Variants in XPO1 observed in about 807,000 individuals in gnomAD.
XPO1 encodes exportin 1.
A neutral mutation model predicts 133.3 loss-of-function variants in XPO1; 5 were observed. That is an observed-to-expected ratio of 0.04 (90% confidence interval 0.02 to 0.08). The LOEUF is 0.08. XPO1 is among the 10% of genes least tolerant of loss of function. The pLI is 1.00. For synonymous variants in XPO1, 419 were observed against 408.2 expected, an observed-to-expected ratio of 1.03 and a Z score of -0.32; for missense variants, 506 against 1,267.5, an observed-to-expected ratio of 0.40 and a Z score of 9.12.
At chr2:61,527,188 G>A (rs1275182536) in intron 2 of XPO1, among the ~76,000 whole-genome samples, 1 of 151,942 alleles carries the variant, frequency 6.6e-6, no homozygotes, top group Non-Finnish European at 1.5e-5. Flanking sequence ...TTCTTATCTA[G>A]GCCAGTAGCA....
intron 9 of XPO1, 70 bp downstream of exon 9, chr2:61,498,603 G>A (rs536217473): frequency 1.3e-6 from 2 of 1,575,940 alleles, no homozygotes; most frequent in African/African-American, 1.4e-5. Flanking sequence ...ATGCAGAGAT[G>A]AGAGCTTTAC....
At chr2:61,497,228 T>C (rs1416748272) in intron 9 of XPO1, among the ~76,000 whole-genome samples, 2 of 152,078 alleles carry the variant, frequency 1.3e-5, no homozygotes, top group Non-Finnish European at 2.9e-5. Context: ...ACTTTTTTTG[T>C]TTTTTTGAGA....
intron 16 of XPO1, among the ~76,000 whole-genome samples, chr2:61,491,736 G>A (rs111689057): frequency 6.6e-6 from 1 of 152,010 alleles, no homozygotes; most frequent in Non-Finnish European, 1.5e-5. Flanking sequence ...TCTACCAAGG[G>A]GGGGAAAAAG....
chr2:61,487,519 C>G (rs553783444), intron 19 of XPO1, among the ~76,000 whole-genome samples: 4 of 151,638 alleles, frequency 2.6e-5, no homozygotes, highest in African/African-American at 9.7e-5. Flanking sequence ...ATGAAAATAA[C>G]TAGCACACTT....
chr2:61,490,773 G>A lies in XPO1; in HGVS notation c.1891C>T (p.His631Tyr), dbSNP rs778783944. Residue 631 changes from histidine to tyrosine, a missense_variant, in exon 17 of 25, where the codon CAT becomes TAT. Transcript: ENST00000401558. Reference sequence around the variant, plus strand: ...TACCCCACAGCTTCATAAAACGTATGAACCTATTTTAAAAAGCAGACATTT... The same window carrying A: ...TACCCCACAGCTTCATAAAACGTATAAACCTATTTTAAAAAGCAGACATTT... ...IICDLQPQQV[H>Y]TFYEAVGYMI... The A allele has an allele frequency of 6.2e-7, 1 of 1,611,872 alleles. No individual in the cohort carries two copies. The highest frequency in any genetic ancestry group is 1.1e-5 in the South Asian group (1 of 90,822).
At chr2:61,493,116 A>C (rs996282235) in intron 12 of XPO1, 63 bp from the exon 13 acceptor site, 2 of 1,465,682 alleles carry the variant, frequency 1.4e-6, no homozygotes, top group African/African-American at 1.4e-5. Context: ...ATTAGTGTAG[A>C]AGCTTAGTTA....
intron 3 of XPO1, among the ~76,000 whole-genome samples, chr2:61,524,508 G>A (rs1311295257): frequency 6.6e-6 from 1 of 152,146 alleles, no homozygotes; most frequent in Non-Finnish European, 1.5e-5. Context: ...CCCAATAAAT[G>A]CTTTGCCCAG....
In XPO1 at chr2:61,477,983, C is replaced by G. The variant is rs1386602679; in HGVS notation, c.*837G>C. Reference sequence around the variant, plus strand: ...CTTTTTAAGTAGTGTTCTTAAAGCACTACAGCTTGGTAAACAATGTAAATT... The same window carrying G: ...CTTTTTAAGTAGTGTTCTTAAAGCAGTACAGCTTGGTAAACAATGTAAATT... On this transcript the variant is annotated 3_prime_UTR_variant, in exon 25 of 25. Transcript: ENST00000401558. The G allele has an allele frequency of 4.3e-6, 1 of 231,600 alleles. No individual in the cohort carries two copies. Among genetic ancestry groups the G allele is most frequent in the Non-Finnish European group, 8.6e-6 (1 of 116,850 alleles). The allele number at this position is 231,600 out of a possible 1,614,324, so 14.3% of individuals were successfully genotyped here. A position where few individuals can be genotyped will look rare whatever the true frequency, so the allele number is the denominator to read the frequency against.
At chr2:61,501,743 G>C (rs1243622945) in intron 6 of XPO1, among the ~76,000 whole-genome samples, 3 of 114,192 alleles carry the variant, frequency 2.6e-5, no homozygotes, top group Non-Finnish European at 3.6e-5. Flanking sequence ...AAAAAGAAAA[G>C]AAAAGATAAA....
chr2:61,506,587 A>G (rs188246136), intron 4 of XPO1, among the ~76,000 whole-genome samples: 987 of 92,378 alleles, frequency 0.011, 14 homozygotes, highest in African/African-American at 0.039. Context: ...CGACAGAGCA[A>G]GATTCCGTCT....
At chr2:61,526,386 G>T (rs1558676520) in intron 3 of XPO1, 34 bp downstream of exon 3, 1 of 1,592,006 alleles carries the variant, frequency 6.3e-7, no homozygotes, top group East Asian at 2.2e-5. Flanking sequence ...TGGAAGAAAA[G>T]AAATAACAGA....
intron 24 of XPO1, among the ~76,000 whole-genome samples, chr2:61,479,319 A>C (rs1696213905): frequency 6.6e-6 from 1 of 152,026 alleles, no homozygotes; most frequent in African/African-American, 2.4e-5. Flanking sequence ...GCATGGTGGC[A>C]CAGGCGCCTG....
At chr2:61,530,539 C>T (rs1021830328) in intron 2 of XPO1, among the ~76,000 whole-genome samples, 3 of 152,038 alleles carry the variant, frequency 2.0e-5, no homozygotes, top group African/African-American at 7.2e-5. Context: ...CAACTCTTCC[C>T]GCATCTTTTT....
chr2:61,486,659 G>A (rs777852146), intron 19 of XPO1, among the ~76,000 whole-genome samples: 6 of 152,026 alleles, frequency 3.9e-5, no homozygotes, highest in African/African-American at 7.2e-5. Flanking sequence ...GTGTTTCACC[G>A]TGTTAGCCAG....
At chr2:61,528,084 G>A (rs1487570751) in intron 2 of XPO1, among the ~76,000 whole-genome samples, 1 of 151,608 alleles carries the variant, frequency 6.6e-6, no homozygotes. Flanking sequence ...CTGCCACCAC[G>A]CCTGGCTAAT....
chr2:61,485,701 C>G, intron 20 of XPO1, 67 bp downstream of exon 20: 2 of 1,305,730 alleles, frequency 1.5e-6, no homozygotes, highest in Non-Finnish European at 2.1e-6. Flanking sequence ...CACAGACATA[C>G]TTTAGCTTTC....
In XPO1 at chr2:61,524,941, TTAG is replaced by T. The variant is rs1450286808; in HGVS notation, c.228+1476_228+1478del. On this transcript the variant is annotated intron_variant, in intron 3 of 24. Coordinates refer to ENST00000401558, the MANE Select transcript of XPO1 (RefSeq NM_003400.4). ...CAAAGAATTTTTTTTCTTTTTTTTT[TTAG>T]TATTTTTGCTCAAAAATCTGAAGTG... 3.3e-5 allele frequency among the ~76,000 whole-genome samples: 5 copies of T among 152,146 alleles called. No homozygotes were observed. In the East Asian group the frequency reaches 9.6e-4, roughly 29 times the overall value.
At chr2:61,516,114 A>G (rs1698375696) in intron 4 of XPO1, among the ~76,000 whole-genome samples, 1 of 148,628 alleles carries the variant, frequency 6.7e-6, no homozygotes, top group Non-Finnish European at 1.5e-5. Flanking sequence ...CGACAGAGCG[A>G]AACTCCGTCG....
At position 61,483,093 on chromosome 2, in the gene XPO1, T is replaced by TA. The variant is rs779201186; in HGVS notation, c.2678-3dup. 6.4e-5 allele frequency: 103 copies of TA among 1,608,174 alleles called. No homozygotes were observed. The highest frequency in any genetic ancestry group is 7.4e-5 in the Non-Finnish European group (87 of 1,177,568). ...AGAGTGTAAAAAGTATCTGTAAGCC[T>TA]AAAAGACATAGAATACCAATGGAAA... On this transcript the variant is annotated splice_polypyrimidine_tract_variant and splice_region_variant and intron_variant, in intron 21 of 24. Coordinates refer to ENST00000401558, the MANE Select transcript of XPO1 (RefSeq NM_003400.4).
Sources: gnomAD v4.1 joint callset for allele counts (sites outside exome capture counted in the v4.1 genomes callset) on GRCh38, gnomAD v4.1.1 for gene constraint, MANE v1.5 for transcripts, NCBI Gene and HGNC (gene_info 2026-07-23, HGNC 2026-07-21) for gene names.